RGS7: variants seen among roughly 807,000 people sequenced by gnomAD.
The protein encoded by RGS7 is regulator of G protein signaling 7.
In RGS7, 27 loss-of-function variants were observed where a neutral mutation model predicts 81.1. The ratio of observed to expected loss-of-function variants is 0.33; its 90% CI spans 0.25 to 0.46. The LOEUF is 0.46. Among genes scored for constraint, RGS7 ranks in the 20% least tolerant of loss-of-function variants. The pLI is 1.00. For missense variants in RGS7, 396 were observed against 607.4 expected, an observed-to-expected ratio of 0.65 and a Z score of 3.66; for synonymous variants, 208 against 207.7, an observed-to-expected ratio of 1.00 and a Z score of -0.01.
intron 9 of RGS7, among the ~76,000 whole-genome samples, chr1:240,855,249 G>A (rs796482616): frequency 7.2e-6 from 1 of 139,624 alleles, no homozygotes; most frequent in Non-Finnish European, 1.5e-5. Context: ...TAACAAGCGC[G>A]TCCATAGATT....
chr1:241,338,817 C>A (rs919928342), intron 2 of RGS7, among the ~76,000 whole-genome samples: 2 of 151,880 alleles, frequency 1.3e-5, no homozygotes, highest in Non-Finnish European at 2.9e-5. Context: ...CTGTACAGTA[C>A]TCTGATAAAG....
rs1193152687 is a variant in RGS7 at position 240,785,606 on chromosome 1, G to A, written c.*7-9393C>T. Among the ~76,000 whole-genome samples the A allele has an allele frequency of 3.9e-5, 6 of 152,304 alleles. No homozygotes were observed. In the South Asian group the frequency reaches 6.2e-4, roughly 16 times the overall value. ...AGGGAATAAACTTCTAGAAATCAGGGTAATGAGATTCCAAGGTCTTGGGAA... is the reference window on the plus strand; with the variant it reads ...AGGGAATAAACTTCTAGAAATCAGGATAATGAGATTCCAAGGTCTTGGGAA... On this transcript the variant is annotated intron_variant, in intron 18 of 18. Coordinates refer to ENST00000440928, the MANE Select transcript of RGS7 (RefSeq NM_001364886.1).
In RGS7 at chr1:240,777,701, G is replaced by C. The variant is rs143862857; in HGVS notation, c.*7-1488C>G. ...TTTGTCTAGTGAGGGCCTTCTCCTTGGTTCATCAATGGTGCATTCTCGTTG... is the reference window on the plus strand; with the variant it reads ...TTTGTCTAGTGAGGGCCTTCTCCTTCGTTCATCAATGGTGCATTCTCGTTG... On this transcript the variant is annotated intron_variant, in intron 18 of 18. Transcript: ENST00000440928. Among the ~76,000 whole-genome samples, 47 of 152,224 alleles carry C rather than the reference G, an allele frequency of 3.1e-4. No homozygotes were observed. In the East Asian group the frequency reaches 8.7e-3, roughly 28 times the overall value.
chr1:240,823,403 G>T (rs1293481331), intron 10 of RGS7: 2 of 412,338 alleles, frequency 4.9e-6, no homozygotes, highest in Non-Finnish European at 4.7e-6. Context: ...CGCACCACTT[G>T]GGCCCGGCAG....
chr1:240,884,453 C>T (rs368378177), intron 6 of RGS7, among the ~76,000 whole-genome samples: 39 of 152,312 alleles, frequency 2.6e-4, no homozygotes, highest in African/African-American at 8.9e-4. Flanking sequence ...AAGAATCACA[C>T]ATGTGTTTGT....
intron 6 of RGS7, among the ~76,000 whole-genome samples, chr1:240,922,708 G>T (rs1673778796): frequency 6.6e-6 from 1 of 151,990 alleles, no homozygotes; most frequent in Non-Finnish European, 1.5e-5. Context: ...CCAAAACATT[G>T]AAAACACTAA....
At chr1:240,965,204 G>T (rs1682099491) in intron 4 of RGS7, among the ~76,000 whole-genome samples, 1 of 151,988 alleles carries the variant, frequency 6.6e-6, no homozygotes, top group Admixed American at 6.6e-5. Context: ...TCTCTCCTAG[G>T]CCTCTACTGT....
At chr1:240,855,267 C>T (rs1195951816) in intron 9 of RGS7, among the ~76,000 whole-genome samples, 3 of 134,634 alleles carry the variant, frequency 2.2e-5, no homozygotes, top group Admixed American at 7.8e-5. Flanking sequence ...ATTACACATG[C>T]TGTTGCATTC....
chr1:240,810,925 C>T (rs4659578), intron 14 of RGS7, among the ~76,000 whole-genome samples: 71,485 of 152,060 alleles, frequency 0.47, 18,462 homozygotes, highest in Non-Finnish European at 0.58. Context: ...CAATCCATGC[C>T]AGGCACACAC....
At chr1:241,116,736 G>C (rs919302951) in intron 2 of RGS7, among the ~76,000 whole-genome samples, 2 of 152,096 alleles carry the variant, frequency 1.3e-5, no homozygotes, top group East Asian at 3.9e-4. Context: ...ATAGTGATCA[G>C]GGTAATTAGC....
intron 2 of RGS7, among the ~76,000 whole-genome samples, chr1:241,172,350 A>C (rs1430989668): frequency 6.6e-6 from 1 of 152,146 alleles, no homozygotes; most frequent in Non-Finnish European, 1.5e-5. Context: ...GAAAAATAGT[A>C]AAATAGTAAA....
At chr1:240,958,055 A>C (rs1335974804) in intron 4 of RGS7, among the ~76,000 whole-genome samples, 1 of 152,202 alleles carries the variant, frequency 6.6e-6, no homozygotes, top group Non-Finnish European at 1.5e-5. Context: ...GCCCCTAGGC[A>C]TGTGGTGGCT....
chr1:240,960,206 C>T (rs1356475337), intron 4 of RGS7, among the ~76,000 whole-genome samples: 2 of 65,464 alleles, frequency 3.1e-5, no homozygotes, highest in East Asian at 6.4e-4. Context: ...CTTCTTCTTC[C>T]TCTTCTTCTT....
intron 2 of RGS7, among the ~76,000 whole-genome samples, chr1:241,308,806 G>T (rs2080328100): frequency 6.6e-6 from 1 of 152,134 alleles, no homozygotes; most frequent in Non-Finnish European, 1.5e-5. Context: ...AAAGAAAGGA[G>T]GATTCATTAA....
At chr1:241,261,304 G>A (rs908554126) in intron 2 of RGS7, among the ~76,000 whole-genome samples, 3 of 152,010 alleles carry the variant, frequency 2.0e-5, no homozygotes, top group African/African-American at 7.2e-5. Context: ...GCTGGGACTA[G>A]AAGCCCTGTG....
chr1:240,963,917 C>T (rs905786079), intron 4 of RGS7, among the ~76,000 whole-genome samples: 10 of 152,104 alleles, frequency 6.6e-5, no homozygotes, highest in African/African-American at 1.4e-4. Flanking sequence ...GAGGCCGAAG[C>T]GGGTGGATCA....
At chr1:240,963,426 A>G (rs760786662) in intron 4 of RGS7, among the ~76,000 whole-genome samples, 2 of 152,142 alleles carry the variant, frequency 1.3e-5, no homozygotes, top group African/African-American at 4.8e-5. Flanking sequence ...GGTCTCCAAA[A>G]CCCTGAAAGT....
intron 3 of RGS7, among the ~76,000 whole-genome samples, chr1:241,005,973 G>C (rs1185884361): frequency 2.0e-5 from 3 of 152,128 alleles, no homozygotes; most frequent in Non-Finnish European, 1.5e-5. Flanking sequence ...ATTTTTTCCA[G>C]TTTATGGCTC....
chr1:241,053,189 C>T (rs918072472), intron 3 of RGS7, among the ~76,000 whole-genome samples: 3 of 152,158 alleles, frequency 2.0e-5, no homozygotes, highest in Non-Finnish European at 4.4e-5. Context: ...CTATCCAGCT[C>T]TTCTTGTTCT....
Sources: gnomAD v4.1 joint callset for allele counts (sites outside exome capture counted in the v4.1 genomes callset) on GRCh38, gnomAD v4.1.1 for gene constraint, MANE v1.5 for transcripts, NCBI Gene and HGNC (gene_info 2026-07-23, HGNC 2026-07-21) for gene names.